Variants in CCPG1 observed in about 807,000 individuals in gnomAD.
CCPG1 encodes the protein cell cycle progression 1.
A neutral mutation model predicts 81.3 loss-of-function variants in CCPG1; 46 were observed. That is an observed-to-expected ratio of 0.57 (90% CI 0.45 to 0.72). CCPG1 has a LOEUF of 0.72. Ranked by LOEUF, CCPG1 falls within the 30% of genes least tolerant of loss-of-function variation. CCPG1 has a pLI of 0.00. For missense variants in CCPG1, 902 were observed against 937.6 expected (o/e 0.96, Z 0.50); for synonymous variants, 330 against 305.2 (o/e 1.08, Z -0.85).
chr15:55,396,154 CAA>C (rs57419686), intron 1 of CCPG1, among the ~76,000 whole-genome samples: 61,451 of 123,120 alleles, frequency 0.5, 14,427 homozygotes, highest in East Asian at 0.73. Context: ...ACTCCACCTC[CAA>C]AAAAAAAAAA....
intron 1 of CCPG1, among the ~76,000 whole-genome samples, chr15:55,407,044 C>CG (rs913557568): frequency 2.2e-5 from 3 of 135,696 alleles, no homozygotes; most frequent in African/African-American, 9.8e-5. Context: ...GAGACCCCCC[C>CG]CCCCGCCCCG....
At chr15:55,366,772 C>CA (rs1423124361) in intron 6 of CCPG1, among the ~76,000 whole-genome samples, 1 of 151,950 alleles carries the variant, frequency 6.6e-6, no homozygotes, top group East Asian at 1.9e-4. Context: ...AACTCCGTCT[C>CA]AAAAAAAGAA....
chr15:55,355,625 A>G lies in CCPG1; in HGVS notation c.*595T>C. Reference sequence around the variant, plus strand: ...CATGTTAATACAATGCCAGATTTTAAATAAAGACCTTTAGTTTTCCTCATG... The same window carrying G: ...CATGTTAATACAATGCCAGATTTTAGATAAAGACCTTTAGTTTTCCTCATG... On this transcript the variant is annotated 3_prime_UTR_variant, in exon 9 of 9. Transcript: ENST00000442196. 1 of 411,566 alleles carries G rather than the reference A, an allele frequency of 2.4e-6. No individual in the cohort carries two copies. The highest frequency in any genetic ancestry group is 4.2e-6 in the Non-Finnish European group (1 of 235,402). 25.5% of individuals were successfully genotyped at this position (411,566 alleles called of 1,614,324 possible).
At chr15:55,378,914 C>T (rs2141285618) in intron 3 of CCPG1, among the ~76,000 whole-genome samples, 1 of 152,074 alleles carries the variant, frequency 6.6e-6, no homozygotes. Context: ...TTATTAAGAA[C>T]TCAAAGCTAC....
intron 7 of CCPG1, among the ~76,000 whole-genome samples, chr15:55,364,658 G>C (rs1264558799): frequency 6.6e-6 from 1 of 150,644 alleles, no homozygotes; most frequent in Admixed American, 6.6e-5. Context: ...GTAGACGGAG[G>C]TCAGGAGTTC....
intron 3 of CCPG1, among the ~76,000 whole-genome samples, chr15:55,385,192 G>A (rs553717343): frequency 6.6e-6 from 1 of 152,270 alleles, no homozygotes; most frequent in East Asian, 1.9e-4. Flanking sequence ...TTTAAATGGA[G>A]TCTCACTCTG....
At chr15:55,378,550 C>T (rs967344556) in intron 3 of CCPG1, among the ~76,000 whole-genome samples, 174 bp from the exon 4 acceptor site, 14 of 151,874 alleles carry the variant, frequency 9.2e-5, no homozygotes, top group Admixed American at 4.6e-4. Context: ...TAATGAACTT[C>T]ATTTATTTGA....
chr15:55,364,678 G>A lies in CCPG1; in HGVS notation c.828+510C>T, dbSNP rs762237680. 2.4e-4 allele frequency among the ~76,000 whole-genome samples: 36 copies of A among 150,482 alleles called. 2 individuals are homozygous for A. Among genetic ancestry groups the A allele is most frequent in the Admixed American group, 1.7e-3 (25 of 15,062 alleles). ...CGGAGGTCAGGAGTTCAAGACCAGC[G>A]TGGCCAACATAGTGAAACCCCGTCT... On this transcript the variant is annotated intron_variant, in intron 7 of 8. Transcript: ENST00000442196.
At chr15:55,407,044 C>A (rs1472856182) in intron 1 of CCPG1, among the ~76,000 whole-genome samples, 2 of 135,610 alleles carry the variant, frequency 1.5e-5, no homozygotes, top group Non-Finnish European at 1.5e-5. Context: ...GAGACCCCCC[C>A]CCCCGCCCCG....
chr15:55,374,460 G>A (rs2056518772), intron 5 of CCPG1, among the ~76,000 whole-genome samples: 2 of 151,976 alleles, frequency 1.3e-5, no homozygotes, highest in Non-Finnish European at 2.9e-5. Context: ...TTCATAAAGA[G>A]GAAGCAGGCA....
chr15:55,372,657 T>C lies in CCPG1; in HGVS notation c.455-613A>G. 8.4e-6 allele frequency: 2 copies of C among 238,362 alleles called. 1 individual carries two copies. The highest frequency in any genetic ancestry group is 9.9e-5 in the South Asian group (2 of 20,260). 14.8% of individuals were successfully genotyped at this position (238,362 alleles called of 1,614,324 possible). On this transcript the variant is annotated intron_variant, in intron 5 of 8. Coordinates refer to ENST00000442196, the MANE Select transcript of CCPG1 (RefSeq NM_001204450.2). Reference sequence around the variant, plus strand: ...CTGGGAGACAGAGCAAAACTCTGTCTCAAAAGAAACAAAATTTCATTGCTA... The same window carrying C: ...CTGGGAGACAGAGCAAAACTCTGTCCCAAAAGAAACAAAATTTCATTGCTA...
chr15:55,395,826 C>T (rs917974830), intron 1 of CCPG1, among the ~76,000 whole-genome samples: 4 of 152,106 alleles, frequency 2.6e-5, no homozygotes, highest in Admixed American at 6.6e-5. Context: ...AAGGTAACCA[C>T]GTCTGGGTGA....
chr15:55,368,053 T>C (rs575836421), intron 6 of CCPG1, among the ~76,000 whole-genome samples: 2 of 152,278 alleles, frequency 1.3e-5, no homozygotes, highest in South Asian at 2.1e-4. Context: ...AGTTGACCCT[T>C]GAGCAACATG....
Position 55,389,433 on chromosome 15 carries a change from T to G in CCPG1, c.-9A>C. 6.2e-7 allele frequency: 1 copy of G among 1,605,728 alleles called. No individual in the cohort carries two copies. Among genetic ancestry groups the G allele is most frequent in the Non-Finnish European group, 8.5e-7 (1 of 1,172,562 alleles). ...CTGGAATTTTCAGACATCTTTCAGG[T>G]CTACAAATACAAAAACATATTGACT... On this transcript the variant is annotated splice_region_variant and 5_prime_UTR_variant, in exon 2 of 9. Coordinates refer to ENST00000442196, the MANE Select transcript of CCPG1 (RefSeq NM_001204450.2).
chr15:55,389,620 CTTCT>C (rs1420884619), intron 1 of CCPG1, among the ~76,000 whole-genome samples, 187 bp from the exon 2 acceptor site: 1 of 152,136 alleles, frequency 6.6e-6, no homozygotes, highest in African/African-American at 2.4e-5. Flanking sequence ...TAGAAGCAAA[CTTCT>C]AAGATAAGGA....
intron 1 of CCPG1, among the ~76,000 whole-genome samples, chr15:55,396,327 G>A (rs1398423084): frequency 1.3e-5 from 2 of 152,044 alleles, no homozygotes; most frequent in African/African-American, 4.8e-5. Context: ...GAAATCATAC[G>A]GTTATAAAAA....
intron 1 of CCPG1, among the ~76,000 whole-genome samples, chr15:55,404,583 T>G (rs1348009259): frequency 6.6e-6 from 1 of 152,212 alleles, no homozygotes; most frequent in Non-Finnish European, 1.5e-5. Context: ...GAAGAAAAGC[T>G]AAGTACTTTC....
Position 55,384,010 on chromosome 15 carries a change from G to T in CCPG1, c.175+1590C>A, listed in dbSNP as rs2056752646. On this transcript the variant is annotated intron_variant, in intron 3 of 8. Transcript: ENST00000442196. ...CAACTTGGCTAACTATCTGGCCCAA[G>T]AGACTTAGCTTTTGACATGCCTTCC... Among the ~76,000 whole-genome samples, 4 of 152,196 alleles carry T rather than the reference G, an allele frequency of 2.6e-5. No individual in the cohort carries two copies. In the South Asian group the frequency reaches 8.3e-4, roughly 31 times the overall value.
intron 2 of CCPG1, among the ~76,000 whole-genome samples, chr15:55,389,068 CAAAAAAAAAAAA>C (rs373917631): frequency 1.8e-5 from 1 of 56,268 alleles, no homozygotes; most frequent in Non-Finnish European, 3.3e-5. Flanking sequence ...GACTCTGTCT[CAAAAAAAAAAAA>C]AAAAAAAAAG....
Sources: allele counts gnomAD v4.1 joint callset (sites outside exome capture counted in the v4.1 genomes callset), GRCh38; gene constraint gnomAD v4.1.1; transcripts MANE v1.5; gene names NCBI Gene and HGNC (gene_info 2026-07-23, HGNC 2026-07-21).